The following PKIA variants were observed in gnomAD, a reference collection of about 807,000 sequenced individuals.
PKIA encodes the protein PKI-alpha.
In PKIA, 4 loss-of-function variants were observed where a neutral mutation model predicts 7.6. That is an observed-to-expected ratio of 0.52 (90% CI 0.26 to 1.20). The LOEUF is 1.20. PKIA is among the 50% of genes most tolerant of loss of function. PKIA has a pLI of 0.13. For synonymous variants in PKIA, 21 were observed against 30.7 expected (o/e 0.68, Z 1.04); for missense variants, 73 against 86.2 (o/e 0.85, Z 0.61).
At chr8:78,559,405 T>C (rs1807231408) in intron 1 of PKIA, among the ~76,000 whole-genome samples, 1 of 152,148 alleles carries the variant, frequency 6.6e-6, no homozygotes, top group African/African-American at 2.4e-5. Context: ...AAGCTATTTA[T>C]AGCAGGGAGA....
rs1356171296 is a variant in PKIA at position 78,604,683 on chromosome 8, T to C, written c.*2862T>C. 6.6e-6 allele frequency: 1 copy of C among 152,048 alleles called. No individual in the cohort carries two copies. Among genetic ancestry groups the C allele is most frequent in the African/African-American group, 2.4e-5 (1 of 41,440 alleles). The allele number at this position is 152,048 out of a possible 1,614,324, so 9.4% of individuals were successfully genotyped here. ...TGGTCTGTAAACACAGCATGATTCA[T>C]ATTTTTTATGTTTCATGCTACTCAT... On this transcript the variant is annotated 3_prime_UTR_variant, in exon 4 of 4. Transcript: ENST00000396418.
At chr8:78,539,387 G>A (rs902864070) in intron 1 of PKIA, among the ~76,000 whole-genome samples, 8 of 152,162 alleles carry the variant, frequency 5.3e-5, no homozygotes, top group Non-Finnish European at 8.8e-5. Flanking sequence ...TTAAAAACTT[G>A]TCTGATTTAT....
Position 78,604,883 on chromosome 8 carries a change from A to C in PKIA, c.*3062A>C, listed in dbSNP as rs1808437945. The C allele has an allele frequency of 6.6e-6, 1 of 152,056 alleles. No individual in the cohort carries two copies. The highest frequency in any genetic ancestry group is 2.4e-5 in the African/African-American group (1 of 41,422). 9.4% of individuals were successfully genotyped at this position (152,056 alleles called of 1,614,324 possible). On this transcript the variant is annotated 3_prime_UTR_variant, in exon 4 of 4. Transcript: ENST00000396418. Reference sequence around the variant, plus strand: ...ACAGACATTGAAATCCAATTCTTAGATAATACTCCCAGAACAGCCAATGGT... The same window carrying C: ...ACAGACATTGAAATCCAATTCTTAGCTAATACTCCCAGAACAGCCAATGGT...
At chr8:78,570,230 G>A (rs549907242) in intron 1 of PKIA, among the ~76,000 whole-genome samples, 284 of 152,138 alleles carry the variant, frequency 1.9e-3, no homozygotes, top group Middle Eastern at 3.4e-3. Context: ...TCATGCCGAG[G>A]CACATCATAA....
rs1035843697 is a variant in PKIA at position 78,604,603 on chromosome 8, T to C, written c.*2782T>C. ...GTATATCTTTTTTAAAAAAAAGAAA[T>C]TCAATTATGTCTTATTTGGGGGGTA... On this transcript the variant is annotated 3_prime_UTR_variant, in exon 4 of 4. Coordinates refer to ENST00000396418, the MANE Select transcript of PKIA (RefSeq NM_006823.4). 1.3e-5 allele frequency: 2 copies of C among 151,962 alleles called. No homozygotes were observed. The highest frequency in any genetic ancestry group is 4.8e-5 in the African/African-American group (2 of 41,398). 9.4% of individuals were successfully genotyped at this position (151,962 alleles called of 1,614,324 possible).
intron 2 of PKIA, among the ~76,000 whole-genome samples, 171 bp from the exon 3 acceptor site, chr8:78,598,187 A>G (rs947331427): frequency 2.6e-5 from 4 of 151,048 alleles, no homozygotes; most frequent in Non-Finnish European, 5.9e-5. Context: ...AAATATGTAC[A>G]TTAAAGGTTC....
chr8:78,599,453 G>A (rs961614588), intron 3 of PKIA, among the ~76,000 whole-genome samples: 2 of 152,006 alleles, frequency 1.3e-5, no homozygotes, highest in Admixed American at 6.6e-5. Flanking sequence ...CAGAGTATAT[G>A]TATATATAGA....
intron 1 of PKIA, among the ~76,000 whole-genome samples, chr8:78,554,808 C>A (rs1807085133): frequency 6.6e-6 from 1 of 152,004 alleles, no homozygotes; most frequent in South Asian, 2.1e-4. Flanking sequence ...CAATAAATTG[C>A]ACATCATATA....
At chr8:78,580,133 T>A (rs1371382823) in intron 2 of PKIA, among the ~76,000 whole-genome samples, 1 of 152,058 alleles carries the variant, frequency 6.6e-6, no homozygotes, top group Non-Finnish European at 1.5e-5. Context: ...GCTATATAAT[T>A]TTTTAAGTTG....
At chr8:78,584,321 T>A (rs1807897411) in intron 2 of PKIA, among the ~76,000 whole-genome samples, 1 of 152,140 alleles carries the variant, frequency 6.6e-6, no homozygotes, top group African/African-American at 2.4e-5. Flanking sequence ...AGGTGATTTA[T>A]ATATGCAGTT....
chr8:78,555,051 T>C (rs569154641), intron 1 of PKIA, among the ~76,000 whole-genome samples: 1 of 152,128 alleles, frequency 6.6e-6, no homozygotes, highest in South Asian at 2.1e-4. Flanking sequence ...TGAATCATAT[T>C]ATACATTCTG....
chr8:78,542,754 T>G (rs1338175227), intron 1 of PKIA, among the ~76,000 whole-genome samples: 2 of 152,148 alleles, frequency 1.3e-5, no homozygotes, highest in East Asian at 3.9e-4. Context: ...AATACCAAGA[T>G]GCCCCTCCTA....
At chr8:78,569,559 C>G (rs1212047469) in intron 1 of PKIA, among the ~76,000 whole-genome samples, 1 of 151,912 alleles carries the variant, frequency 6.6e-6, no homozygotes, top group African/African-American at 2.4e-5. Flanking sequence ...AAATAAGATC[C>G]AGAGTCATAT....
chr8:78,566,526 C>T (rs990584534), intron 1 of PKIA, among the ~76,000 whole-genome samples: 1 of 151,922 alleles, frequency 6.6e-6, no homozygotes. Flanking sequence ...AATACAAATG[C>T]CAGTATCATT....
In PKIA at chr8:78,566,743, A is replaced by G. The variant is rs183378369; in HGVS notation, c.-156-6068A>G. ...AGTTATTACAGCATCTTACATTAATATTTCAGCGTACATTAGACATTGCCT... is the reference window on the plus strand; with the variant it reads ...AGTTATTACAGCATCTTACATTAATGTTTCAGCGTACATTAGACATTGCCT... On this transcript the variant is annotated intron_variant, in intron 1 of 3. Transcript: ENST00000396418. Among the ~76,000 whole-genome samples the G allele has an allele frequency of 7.4e-3, 1,131 of 152,262 alleles. 7 individuals are homozygous for G. The highest frequency in any genetic ancestry group is 0.013 in the Non-Finnish European group (850 of 67,980).
intron 1 of PKIA, among the ~76,000 whole-genome samples, chr8:78,563,608 G>C (rs1277255874): frequency 6.6e-6 from 1 of 152,130 alleles, no homozygotes. Flanking sequence ...TCCATTGGCT[G>C]TGGTGAAATG....
chr8:78,561,363 A>T (rs1807281682), intron 1 of PKIA, among the ~76,000 whole-genome samples: 1 of 152,138 alleles, frequency 6.6e-6, no homozygotes, highest in African/African-American at 2.4e-5. Flanking sequence ...TAATTTAATC[A>T]ATTATAAGAC....
chr8:78,572,537 GCACGCACACACACA>G (rs973119313), intron 1 of PKIA, among the ~76,000 whole-genome samples: 3 of 115,572 alleles, frequency 2.6e-5, no homozygotes, highest in Admixed American at 8.5e-5. Context: ...AAAAAAAGCT[GCACGCACACACACA>G]CACACACACA....
chr8:78,561,472 T>C (rs1224817677), intron 1 of PKIA, among the ~76,000 whole-genome samples: 2 of 151,996 alleles, frequency 1.3e-5, no homozygotes, highest in African/African-American at 2.4e-5. Context: ...TTTTTTTTTT[T>C]CTCCTAGTAC....
Sources: gnomAD v4.1 joint callset for allele counts (sites outside exome capture counted in the v4.1 genomes callset) on GRCh38, gnomAD v4.1.1 for gene constraint, MANE v1.5 for transcripts, NCBI Gene and HGNC (gene_info 2026-07-23, HGNC 2026-07-21) for gene names.